KALRN: variants seen among roughly 807,000 people sequenced by gnomAD.
The protein encoded by KALRN is kalirin.
In KALRN, 70 loss-of-function variants were observed where a neutral mutation model predicts 353.7. That is an observed-to-expected ratio of 0.20 (90% CI 0.16 to 0.24). KALRN has a LOEUF of 0.24. Among genes scored for constraint, KALRN ranks in the 10% least tolerant of loss-of-function variants. The pLI is 1.00. For synonymous variants in KALRN, 1,391 were observed against 1,434.8 expected (o/e 0.97, Z 0.69); for missense variants, 2,791 against 3,756.7 (o/e 0.74, Z 6.72).
intron 10 of KALRN, among the ~76,000 whole-genome samples, chr3:124,373,044 T>A (rs1348543000): frequency 2.0e-5 from 3 of 152,142 alleles, no homozygotes; most frequent in Non-Finnish European, 4.4e-5. Context: ...GGGCCCTGCA[T>A]TGTCCCTCCA....
At chr3:124,267,242 G>A (rs75822092) in intron 4 of KALRN, among the ~76,000 whole-genome samples, 1,798 of 152,298 alleles carry the variant, frequency 0.012, 34 homozygotes, top group African/African-American at 0.04. Context: ...CCCGGAAGTG[G>A]TAAACTTTGA....
At chr3:124,486,070 G>A (rs942578456) in intron 28 of KALRN, among the ~76,000 whole-genome samples, 3 of 152,084 alleles carry the variant, frequency 2.0e-5, no homozygotes, top group Admixed American at 6.5e-5. Context: ...CTTTAGGTAT[G>A]GCGTGAAAGT....
At chr3:124,709,190 G>T (rs2062776399) in intron 57 of KALRN, among the ~76,000 whole-genome samples, 3 of 152,054 alleles carry the variant, frequency 2.0e-5, no homozygotes, top group East Asian at 1.9e-4. Context: ...TTAGATAAAA[G>T]ATAATATTGA....
At chr3:124,235,373 G>A (rs2079631009) in intron 3 of KALRN, among the ~76,000 whole-genome samples, 1 of 152,148 alleles carries the variant, frequency 6.6e-6, no homozygotes, top group African/African-American at 2.4e-5. Flanking sequence ...ACTGGGTAGG[G>A]TGATTAGGGA....
At chr3:124,357,604 T>C (rs1047236895) in intron 10 of KALRN, among the ~76,000 whole-genome samples, 7 of 152,190 alleles carry the variant, frequency 4.6e-5, no homozygotes, top group African/African-American at 1.7e-4. Context: ...ACTGACCAGC[T>C]CCTATCACCT....
At chr3:124,338,168 C>G (rs2081326140) in intron 9 of KALRN, among the ~76,000 whole-genome samples, 1 of 152,032 alleles carries the variant, frequency 6.6e-6, no homozygotes, top group Non-Finnish European at 1.5e-5. Flanking sequence ...TATTTCTTGT[C>G]TTCTGCTAGC....
Position 124,674,578 on chromosome 3 carries a change from A to G in KALRN, c.7157A>G (p.Lys2386Arg), listed in dbSNP as rs776608758. ...VPGSILAPLT[K>R]ATAAESSDGS... ...GGCAGCATCCTGGCGCCCCTCACCA[A>G]AGCCACAGCAGCAGAAAGTAGTGAC... The change falls in exon 49 of 60, where the codon AAA (lysine) becomes AGA (arginine). Residue 2386 changes from lysine to arginine, a missense_variant. Physicochemically the swap from Lys to Arg is conservative, Grantham distance 26. Coordinates refer to ENST00000682506, the MANE Select transcript of KALRN (RefSeq NM_001388419.1). 1 of 1,606,982 alleles carries G rather than the reference A, an allele frequency of 6.2e-7. No individual in the cohort carries two copies. Among genetic ancestry groups the G allele is most frequent in the Non-Finnish European group, 8.5e-7 (1 of 1,175,704 alleles).
intron 51 of KALRN, among the ~76,000 whole-genome samples, chr3:124,689,402 C>T (rs2061708843): frequency 6.6e-6 from 1 of 152,016 alleles, no homozygotes; most frequent in African/African-American, 2.4e-5. Context: ...GATGAGGTCT[C>T]ATTATGTTGC....
chr3:124,082,128 C>T (rs2060573171), intron 1 of KALRN: 1 of 386,276 alleles, frequency 2.6e-6, no homozygotes, highest in East Asian at 7.3e-5. Flanking sequence ...CCTGGATGCC[C>T]AGCTGCAATT....
chr3:124,129,730 G>C (rs2065074906), intron 1 of KALRN, among the ~76,000 whole-genome samples: 1 of 152,236 alleles, frequency 6.6e-6, no homozygotes, highest in Non-Finnish European at 1.5e-5. Flanking sequence ...TGGCCCTATG[G>C]GCAGGGCTGT....
In KALRN at chr3:124,492,831, A is replaced by G; in HGVS notation, c.4781A>G (p.Glu1594Gly). Residue 1594 changes from glutamate (E) to glycine (G), a missense_variant, in exon 32 of 60, where the codon GAG becomes GGG. Coordinates refer to ENST00000682506, the MANE Select transcript of KALRN (RefSeq NM_001388419.1). ...RIIHLKGALK[E>G]PLQLPKTPAK... ...ATTCACCTGAAAGGAGCTTTAAAGG[A>G]GCCACTTCAGCTCCCCAAAACACCA... 2 of 1,614,144 alleles carry G rather than the reference A, an allele frequency of 1.2e-6. No homozygotes were observed. The highest frequency in any genetic ancestry group is 2.7e-5 in the African/African-American group (2 of 75,042).
chr3:124,324,146 A>G (rs1212489543), intron 6 of KALRN, among the ~76,000 whole-genome samples: 10 of 152,204 alleles, frequency 6.6e-5, no homozygotes, highest in Non-Finnish European at 1.0e-4. Flanking sequence ...CCAGTTGCTC[A>G]TAGAACTTAA....
chr3:124,395,734 C>A (rs1214184955), intron 12 of KALRN, among the ~76,000 whole-genome samples: 2 of 152,162 alleles, frequency 1.3e-5, no homozygotes, highest in African/African-American at 4.8e-5. Flanking sequence ...TGAACTCTGA[C>A]CTCCAGTGCC....
chr3:124,327,484 T>C (rs2080041875), intron 7 of KALRN, among the ~76,000 whole-genome samples: 1 of 152,204 alleles, frequency 6.6e-6, no homozygotes, highest in Non-Finnish European at 1.5e-5. Context: ...AAATATACAA[T>C]ACAGAGTATT....
At chr3:124,169,763 A>C in intron 1 of KALRN, among the ~76,000 whole-genome samples, 1 of 152,152 alleles carries the variant, frequency 6.6e-6, no homozygotes, top group South Asian at 2.1e-4. Flanking sequence ...AACAGTGGGC[A>C]ATAGGGGAGT....
chr3:124,462,872 T>G (rs1451380533), intron 25 of KALRN, among the ~76,000 whole-genome samples: 1 of 152,182 alleles, frequency 6.6e-6, no homozygotes, highest in Non-Finnish European at 1.5e-5. Context: ...ACATCCTCAT[T>G]TATTCAGCCA....
intron 1 of KALRN, among the ~76,000 whole-genome samples, chr3:124,188,343 A>G (rs1215943191): frequency 6.6e-6 from 1 of 152,202 alleles, no homozygotes; most frequent in Non-Finnish European, 1.5e-5. Context: ...CCAGACAGCA[A>G]GAAAATAGTC....
intron 10 of KALRN, among the ~76,000 whole-genome samples, chr3:124,383,445 C>T (rs62264161): frequency 0.053 from 8,131 of 152,252 alleles, 291 homozygotes; most frequent in Non-Finnish European, 0.081. Flanking sequence ...GAGAAATCTA[C>T]CCTGTGCCTT....
At chr3:124,276,494 C>G (rs1019197439) in intron 5 of KALRN, among the ~76,000 whole-genome samples, 6 of 152,142 alleles carry the variant, frequency 3.9e-5, no homozygotes, top group Non-Finnish European at 5.9e-5. Flanking sequence ...GTAGAGAAAT[C>G]CTGCTGCTTC....
Sources: allele counts gnomAD v4.1 joint callset (sites outside exome capture counted in the v4.1 genomes callset), GRCh38; gene constraint gnomAD v4.1.1; transcripts MANE v1.5; gene names NCBI Gene and HGNC (gene_info 2026-07-23, HGNC 2026-07-21).